Variants in AGBL1 observed in about 807,000 individuals in gnomAD.
AGBL1 encodes the protein cytosolic carboxypeptidase 4.
In AGBL1, 130 loss-of-function variants were observed where a neutral mutation model predicts 118.9. The observed-to-expected ratio is 1.09, with a 90% CI of 0.95 to 1.26. The LOEUF is 1.26. Among genes scored for constraint, AGBL1 ranks in the 50% most tolerant of loss-of-function variants. The probability of loss-of-function intolerance (pLI) is 0.00; values close to 1 mark genes in which losing one functional copy is unlikely to be tolerated. For missense variants in AGBL1, 1,584 were observed against 1,298.1 expected (o/e 1.22, Z -3.38); for synonymous variants, 555 against 478.9 (o/e 1.16, Z -2.08).
intron 21 of AGBL1, among the ~76,000 whole-genome samples, chr15:86,637,815 A>C (rs79302132): frequency 6.6e-6 from 1 of 152,190 alleles, no homozygotes; most frequent in Non-Finnish European, 1.5e-5. Flanking sequence ...TGTCATCTGA[A>C]CTTTGTCATG....
At chr15:86,884,715 C>T (rs1035065545) in intron 22 of AGBL1, among the ~76,000 whole-genome samples, 3 of 152,038 alleles carry the variant, frequency 2.0e-5, no homozygotes, top group African/African-American at 4.8e-5. Context: ...TGGAGGCTGA[C>T]GTGGGAGAAC....
intron 21 of AGBL1, among the ~76,000 whole-genome samples, chr15:86,564,806 A>G (rs1353817630): frequency 6.6e-6 from 1 of 152,100 alleles, no homozygotes; most frequent in East Asian, 1.9e-4. Context: ...ATAGTCCCAT[A>G]TTTCTTGGAG....
rs1230622845 is a variant in AGBL1, at chr15:86,141,660, T to C, written c.52-344T>C. ...AGCAAGACTTCATCTTAAATAAAAA[T>C]AAAAATAAGCCAAGCCTACTGAAAT... On this transcript the variant is annotated intron_variant, in intron 1 of 22. Coordinates refer to ENST00000614907, the MANE Select transcript of AGBL1 (RefSeq NM_001386094.1). 7.9e-5 allele frequency among the ~76,000 whole-genome samples: 12 copies of C among 152,166 alleles called. No homozygotes were observed. In the East Asian group the frequency reaches 2.3e-3, roughly 29 times the overall value.
At chr15:86,527,728 G>C in intron 19 of AGBL1, among the ~76,000 whole-genome samples, 1 of 152,286 alleles carries the variant, frequency 6.6e-6, no homozygotes, top group Non-Finnish European at 1.5e-5. Context: ...ATACTATTCA[G>C]CCATTTGCTT....
intron 1 of AGBL1, among the ~76,000 whole-genome samples, chr15:86,087,857 C>T (rs1895765640): frequency 6.6e-6 from 1 of 152,204 alleles, no homozygotes; most frequent in African/African-American, 2.4e-5. Context: ...AATAGATTTC[C>T]TCAGGTGTAA....
chr15:86,338,778 C>T (rs989161619), intron 17 of AGBL1, among the ~76,000 whole-genome samples: 3 of 152,110 alleles, frequency 2.0e-5, no homozygotes, highest in Non-Finnish European at 2.9e-5. Flanking sequence ...TCTCAGTCAT[C>T]CACGTAAAGC....
intron 23 of AGBL1, among the ~76,000 whole-genome samples, chr15:86,930,820 C>T (rs1200206308): frequency 6.6e-6 from 1 of 152,056 alleles, no homozygotes; most frequent in Non-Finnish European, 1.5e-5. Context: ...ATTCCAGGCA[C>T]ATAAAAGTAA....
intron 6 of AGBL1, among the ~76,000 whole-genome samples, chr15:86,231,354 C>T (rs1044038869): frequency 3.3e-5 from 5 of 152,180 alleles, no homozygotes; most frequent in Non-Finnish European, 5.9e-5. Flanking sequence ...CAGCCTAATT[C>T]CCGTCCCCAG....
chr15:86,445,064 C>A (rs894983314), intron 18 of AGBL1, among the ~76,000 whole-genome samples: 1 of 152,122 alleles, frequency 6.6e-6, no homozygotes, highest in African/African-American at 2.4e-5. Flanking sequence ...TGAAAAAAAT[C>A]TGTATTATTA....
chr15:86,409,260 C>A (rs1188982252), intron 18 of AGBL1, among the ~76,000 whole-genome samples: 1 of 152,194 alleles, frequency 6.6e-6, no homozygotes, highest in Non-Finnish European at 1.5e-5. Context: ...TGGACTCAGA[C>A]AGCACTGAGG....
chr15:86,427,134 G>C (rs1194382748), intron 18 of AGBL1, among the ~76,000 whole-genome samples: 1 of 152,132 alleles, frequency 6.6e-6, no homozygotes, highest in Non-Finnish European at 1.5e-5. Context: ...TGTTTTCTTT[G>C]TCACCAAATG....
In AGBL1 at chr15:86,308,277, GAAGT is replaced by G. The variant is rs533072085; in HGVS notation, c.2374+12872_2374+12875del. ...CCAATGTGATTGTATTTGAAGTAAG[GAAGT>G]AATTAAGGTTAAACAAGATCATATG... is the stretch of plus-strand genomic sequence containing the variant. On this transcript the variant is annotated intron_variant, in intron 17 of 22. Transcript: ENST00000614907. Among the ~76,000 whole-genome samples, 911 of 152,188 alleles carry G rather than the reference GAAGT, an allele frequency of 6.0e-3. 7 individuals carry two copies. The highest frequency in any genetic ancestry group is 9.6e-3 in the Non-Finnish European group (653 of 68,012).
intron 23 of AGBL1, among the ~76,000 whole-genome samples, chr15:86,942,376 G>A (rs191772577): frequency 6.6e-6 from 1 of 152,270 alleles, no homozygotes; most frequent in Admixed American, 6.5e-5. Context: ...TAGATTCCCT[G>A]ACTCTACTGT....
chr15:86,883,112 G>A (rs1394894299), intron 22 of AGBL1, among the ~76,000 whole-genome samples: 1 of 152,052 alleles, frequency 6.6e-6, no homozygotes, highest in South Asian at 2.1e-4. Context: ...ATTAATAGAT[G>A]TCAAATATTA....
chr15:86,707,721 G>C (rs2086478114), intron 22 of AGBL1, among the ~76,000 whole-genome samples: 1 of 152,148 alleles, frequency 6.6e-6, no homozygotes, highest in African/African-American at 2.4e-5. Context: ...GCATAAGGAG[G>C]CTGTTGAATT....
chr15:86,270,568 G>A (rs2141688439), intron 14 of AGBL1, among the ~76,000 whole-genome samples: 1 of 152,298 alleles, frequency 6.6e-6, no homozygotes, highest in East Asian at 1.9e-4. Context: ...CAAATGTTTT[G>A]AGGAATGGAA....
At chr15:86,760,659 A>G (rs2078010589) in intron 22 of AGBL1, among the ~76,000 whole-genome samples, 1 of 152,110 alleles carries the variant, frequency 6.6e-6, no homozygotes, top group African/African-American at 2.4e-5. Flanking sequence ...TCCCCTCTGC[A>G]AAAAGAAATA....
chr15:86,774,970 C>T (rs147857845), intron 22 of AGBL1, among the ~76,000 whole-genome samples: 4 of 152,258 alleles, frequency 2.6e-5, no homozygotes, highest in African/African-American at 9.6e-5. Context: ...GAAGCAAACT[C>T]ATGTTTGTAC....
intron 21 of AGBL1, among the ~76,000 whole-genome samples, chr15:86,663,306 T>G (rs2142521261): frequency 6.6e-6 from 1 of 152,364 alleles, no homozygotes; most frequent in Middle Eastern, 3.4e-3. Context: ...GTTGTCCTTT[T>G]CATTTGAGTT....
Sources: allele counts gnomAD v4.1 joint callset (sites outside exome capture counted in the v4.1 genomes callset), GRCh38; gene constraint gnomAD v4.1.1; transcripts MANE v1.5; gene names NCBI Gene and HGNC (gene_info 2026-07-23, HGNC 2026-07-21).